Variants in DACH2 observed in about 807,000 individuals in gnomAD.
DACH2 encodes the protein dachshund homolog 2.
A neutral mutation model predicts 35.8 loss-of-function variants in DACH2; 17 were observed. The observed-to-expected ratio is 0.48, with a 90% CI of 0.33 to 0.71. The LOEUF is 0.71. Ranked by LOEUF, DACH2 falls within the 30% of genes least tolerant of loss-of-function variation. The pLI, the probability that DACH2 is intolerant of heterozygous loss-of-function variation, is 0.02. For missense variants in DACH2, 469 were observed against 472.7 expected (o/e 0.99, Z 0.07); for synonymous variants, 195 against 177.3 (o/e 1.10, Z -0.79).
At chrX:86,730,862 A>G (rs1388793015) in intron 6 of DACH2, among the ~76,000 whole-genome samples, 1 of 111,278 alleles carries the variant, frequency 9.0e-6, no homozygotes, top group African/African-American at 3.3e-5. Context: ...TTTAATACTG[A>G]GTGATTTGTT....
chrX:86,376,721 T>C, intron 1 of DACH2, 103 bp from the exon 2 acceptor site: 1 of 1,036,383 alleles, frequency 9.6e-7, no homozygotes, highest in Admixed American at 4.1e-5. Flanking sequence ...TAGGAAGATG[T>C]TTTGTGAAAT....
chrX:86,282,038 A>G lies in DACH2; in HGVS notation c.489-94786A>G, dbSNP rs754605798. On this transcript the variant is annotated intron_variant, in intron 1 of 11. Coordinates refer to ENST00000373125, the MANE Select transcript of DACH2 (RefSeq NM_053281.3). ...ATGGAAAAACATTCTATGCTCAGGT[A>G]TAGGAAGAATGAATATCGTGAAAAT... Among the ~76,000 whole-genome samples, 5 of 112,418 alleles carry G rather than the reference A, an allele frequency of 4.4e-5. No individual in the cohort carries two copies. In the South Asian group the frequency reaches 1.5e-3, roughly 33 times the overall value.
intron 4 of DACH2, among the ~76,000 whole-genome samples, chrX:86,685,000 T>G (rs1378526048): frequency 8.9e-6 from 1 of 112,039 alleles, no homozygotes; most frequent in Non-Finnish European, 1.9e-5. Flanking sequence ...ATATTCTTAG[T>G]ATCAGTGAGG....
intron 1 of DACH2, among the ~76,000 whole-genome samples, chrX:86,244,489 C>A (rs760441720): frequency 9.0e-6 from 1 of 111,722 alleles, no homozygotes; most frequent in South Asian, 3.8e-4. Flanking sequence ...TGGCATGCAC[C>A]TCTAGTTCCA....
intron 1 of DACH2, among the ~76,000 whole-genome samples, chrX:86,240,474 A>C (rs866666694): frequency 2.5e-5 from 2 of 80,689 alleles, no homozygotes. Flanking sequence ...TATTATTATT[A>C]TTATTACTTT....
intron 11 of DACH2, among the ~76,000 whole-genome samples, chrX:86,824,284 T>C (rs1166623975): frequency 9.0e-6 from 1 of 111,569 alleles, no homozygotes; most frequent in Non-Finnish European, 1.9e-5. Context: ...TTTAGCGATA[T>C]CTTCCCTACT....
At chrX:86,336,539 A>G (rs992016529) in intron 1 of DACH2, among the ~76,000 whole-genome samples, 1 of 111,899 alleles carries the variant, frequency 8.9e-6, no homozygotes, top group Non-Finnish European at 1.9e-5. Flanking sequence ...ACAGAAAGGA[A>G]GAGCATATCC....
At chrX:86,305,923 T>G (rs1180843717) in intron 1 of DACH2, among the ~76,000 whole-genome samples, 3 of 111,804 alleles carry the variant, frequency 2.7e-5, no homozygotes, top group Non-Finnish European at 5.6e-5. Flanking sequence ...AGAATGGCTA[T>G]CGTCAAAAAG....
In DACH2 at chrX:86,294,899, G is replaced by A. The variant is rs1333162985; in HGVS notation, c.489-81925G>A. 3.6e-5 allele frequency among the ~76,000 whole-genome samples: 4 copies of A among 110,563 alleles called. No homozygotes were observed. The South Asian group carries it at 1.6e-3, about 43-fold the overall frequency. The stretch of plus-strand genomic sequence containing the variant: ...GTTTGTCTGTGCCCTGCCCCCAGAG[G>A]TGGAGCCTACAGAGGCAGGCAGGCC... On this transcript the variant is annotated intron_variant, in intron 1 of 11. Transcript: ENST00000373125.
At chrX:86,246,394 A>AG (rs1340553245) in intron 1 of DACH2, among the ~76,000 whole-genome samples, 1 of 110,960 alleles carries the variant, frequency 9.0e-6, no homozygotes, top group Non-Finnish European at 1.9e-5. Context: ...CAGGAAAGAA[A>AG]AAACATTAAA....
chrX:86,226,710 T>C (rs2032831913), intron 1 of DACH2, among the ~76,000 whole-genome samples: 1 of 111,892 alleles, frequency 8.9e-6, no homozygotes, highest in Admixed American at 9.5e-5. Context: ...GGTGTTATGA[T>C]ATGTAAACAA....
chrX:86,410,706 T>A (rs1362682196), intron 2 of DACH2, among the ~76,000 whole-genome samples: 1 of 110,605 alleles, frequency 9.0e-6, no homozygotes, highest in Non-Finnish European at 1.9e-5. Context: ...GATATTAGAT[T>A]AATTTCTTAT....
rs35337222 is a variant in DACH2 at position 86,498,208 on chromosome X, CT to C, written c.528-16062del. Among the ~76,000 whole-genome samples, 61 of 108,265 alleles carry C rather than the reference CT, an allele frequency of 5.6e-4. No homozygotes were observed. In the East Asian group the frequency reaches 0.017, roughly 30 times the overall value. The allele number at this position is 108,265 out of a possible 115,157, so 94.0% of individuals were successfully genotyped here. A position where few individuals can be genotyped will look rare whatever the true frequency, so the allele number is the denominator to read the frequency against. On this transcript the variant is annotated intron_variant, in intron 2 of 11. Transcript: ENST00000373125. ...AGATTTATGGAAGGGACTTAGGCCT[CT>C]TTTTTTTTAAAAGAAGTAATTTGTT...
intron 1 of DACH2, among the ~76,000 whole-genome samples, chrX:86,299,735 G>T (rs1261682451): frequency 5.4e-5 from 6 of 111,223 alleles, no homozygotes; most frequent in African/African-American, 1.6e-4. Flanking sequence ...CAAATAATAT[G>T]CATCCACATA....
intron 2 of DACH2, among the ~76,000 whole-genome samples, chrX:86,398,419 T>G (rs2148127061): frequency 8.9e-6 from 1 of 112,395 alleles, no homozygotes; most frequent in Non-Finnish European, 1.9e-5. Flanking sequence ...AGTTATTTCT[T>G]GCCTTCTGCT....
intron 7 of DACH2, among the ~76,000 whole-genome samples, chrX:86,802,844 C>A (rs62595676): frequency 0.33 from 36,198 of 110,324 alleles, 4,830 homozygotes; most frequent in Middle Eastern, 0.45. Flanking sequence ...GAAATGGGTG[C>A]CCTCCTCCTC....
rs191081450 is a variant in DACH2 at position 86,335,111 on chromosome X, T to G, written c.489-41713T>G. 5.2e-3 allele frequency among the ~76,000 whole-genome samples: 579 copies of G among 111,598 alleles called. 4 individuals carry two copies. The highest frequency in any genetic ancestry group is 0.018 in the African/African-American group (552 of 30,746). On this transcript the variant is annotated intron_variant, in intron 1 of 11. Transcript: ENST00000373125. ...TCCGAGGCCTCTGTTCTGTTCCATT[T>G]TTCTACATATCTGTTTTGGTACCAG...
chrX:86,666,371 C>G (rs892045123), intron 4 of DACH2, among the ~76,000 whole-genome samples: 15 of 110,630 alleles, frequency 1.4e-4, no homozygotes, highest in African/African-American at 4.9e-4. Context: ...GCACCTGCAT[C>G]AACATTACTA....
chrX:86,331,435 C>A (rs372227587), intron 1 of DACH2, among the ~76,000 whole-genome samples: 1 of 110,268 alleles, frequency 9.1e-6, no homozygotes, highest in Non-Finnish European at 1.9e-5. Context: ...ATTAAATACA[C>A]TAAATTAGAA....
Sources: gnomAD v4.1 joint callset for allele counts (sites outside exome capture counted in the v4.1 genomes callset) on GRCh38, gnomAD v4.1.1 for gene constraint, MANE v1.5 for transcripts, NCBI Gene and HGNC (gene_info 2026-07-23, HGNC 2026-07-21) for gene names.